Variants in KIAA1328 observed in about 807,000 individuals in gnomAD.
KIAA1328 encodes the protein protein hinderin.
Under a neutral mutation model 68.1 loss-of-function variants are expected in KIAA1328, and 52 were observed. The ratio of observed to expected loss-of-function variants is 0.76; its 90% CI spans 0.61 to 0.96. The LOEUF (loss-of-function observed/expected upper bound fraction) is 0.96, where lower values mean the gene tolerates loss of function less well. Among genes scored for constraint, KIAA1328 ranks in the 40% least tolerant of loss-of-function variants. The pLI, the probability that KIAA1328 is intolerant of heterozygous loss-of-function variation, is 0.00. For missense variants in KIAA1328, 641 were observed against 677.6 expected (o/e 0.95, Z 0.60); for synonymous variants, 232 against 239.4 (o/e 0.97, Z 0.28).
chr18:37,118,940 T>C (rs1237082880), intron 7 of KIAA1328, among the ~76,000 whole-genome samples: 1 of 152,196 alleles, frequency 6.6e-6, no homozygotes, highest in Non-Finnish European at 1.5e-5. Flanking sequence ...TAGTTGGCAC[T>C]GTTGGGTCTT....
At chr18:36,942,405 G>A (rs1488501529) in intron 5 of KIAA1328, among the ~76,000 whole-genome samples, 1 of 152,202 alleles carries the variant, frequency 6.6e-6, no homozygotes, top group East Asian at 1.9e-4. Flanking sequence ...CGCTTTGTTA[G>A]AGACATAGAA....
chr18:37,086,202 G>A (rs2057099732), intron 7 of KIAA1328, among the ~76,000 whole-genome samples: 1 of 152,118 alleles, frequency 6.6e-6, no homozygotes, highest in Admixed American at 6.5e-5. Flanking sequence ...TCATATAGTT[G>A]AATATTACTA....
chr18:36,858,204 A>G (rs892911024), intron 4 of KIAA1328, among the ~76,000 whole-genome samples: 1 of 152,082 alleles, frequency 6.6e-6, no homozygotes, highest in Non-Finnish European at 1.5e-5. Flanking sequence ...ATACACTTTT[A>G]CAGTTATTAT....
intron 7 of KIAA1328, among the ~76,000 whole-genome samples, chr18:37,158,218 C>A (rs1021107574): frequency 8.6e-5 from 13 of 151,768 alleles, no homozygotes; most frequent in African/African-American, 3.1e-4. Flanking sequence ...AATTTTTTTT[C>A]TTTAGTGATG....
chr18:37,191,910 C>T (rs1311079869), intron 9 of KIAA1328, among the ~76,000 whole-genome samples: 1 of 152,202 alleles, frequency 6.6e-6, no homozygotes, highest in East Asian at 1.9e-4. Context: ...CACCCTCTGT[C>T]AGCTTCCTTG....
chr18:36,974,376 C>G lies in KIAA1328; in HGVS notation c.576+14941C>G, dbSNP rs2052376765. 1.3e-5 allele frequency among the ~76,000 whole-genome samples: 2 copies of G among 152,206 alleles called. 1 individual carries two copies. Among genetic ancestry groups the G allele is most frequent in the South Asian group, 4.1e-4 (2 of 4,824 alleles). ...GTCTATTATTCCACATTATCTAGCT[C>G]TCATTTCTAAGTGAGAACATGTGGT... On this transcript the variant is annotated intron_variant, in intron 6 of 9. Coordinates refer to ENST00000280020, the MANE Select transcript of KIAA1328 (RefSeq NM_020776.3).
chr18:36,843,847 G>A (rs569014881), intron 3 of KIAA1328, among the ~76,000 whole-genome samples: 28 of 152,202 alleles, frequency 1.8e-4, no homozygotes, highest in African/African-American at 6.3e-4. Context: ...GCTAATCTTC[G>A]TATACCCTTA....
At chr18:37,168,482 G>A (rs944963199) in intron 8 of KIAA1328, among the ~76,000 whole-genome samples, 5 of 152,112 alleles carry the variant, frequency 3.3e-5, no homozygotes, top group Non-Finnish European at 7.3e-5. Context: ...AATAGCAGAA[G>A]GGATAAAAAG....
intron 7 of KIAA1328, among the ~76,000 whole-genome samples, chr18:37,142,263 C>T (rs1194186712): frequency 6.6e-6 from 1 of 152,090 alleles, no homozygotes; most frequent in Non-Finnish European, 1.5e-5. Flanking sequence ...GTGATCTTGG[C>T]TTACTGCATC....
intron 6 of KIAA1328, among the ~76,000 whole-genome samples, chr18:37,038,056 G>A (rs571696221): frequency 7.2e-5 from 11 of 152,008 alleles, no homozygotes; most frequent in Admixed American, 2.6e-4. Context: ...AGGTGAGATC[G>A]TGCCACTGCA....
At chr18:36,937,226 C>G (rs2050534444) in intron 5 of KIAA1328, among the ~76,000 whole-genome samples, 1 of 152,178 alleles carries the variant, frequency 6.6e-6, no homozygotes, top group Non-Finnish European at 1.5e-5. Flanking sequence ...GGATTAAAGA[C>G]TTAAATGTAA....
chr18:36,937,341 A>G (rs747227249), intron 5 of KIAA1328, among the ~76,000 whole-genome samples: 1 of 152,226 alleles, frequency 6.6e-6, no homozygotes. Context: ...AATTGCAACA[A>G]AAGCCAAAAT....
chr18:36,992,217 T>C (rs1327432301), intron 6 of KIAA1328, among the ~76,000 whole-genome samples: 2 of 152,212 alleles, frequency 1.3e-5, no homozygotes, highest in African/African-American at 4.8e-5. Context: ...GTTTCTTTGC[T>C]GTCTTTATGC....
chr18:37,040,299 G>T (rs981344507), intron 6 of KIAA1328, among the ~76,000 whole-genome samples: 1 of 152,018 alleles, frequency 6.6e-6, no homozygotes, highest in African/African-American at 2.4e-5. Context: ...TATATTTTTT[G>T]AGTTAAATTC....
rs1467497403 is a variant in KIAA1328, at chr18:37,223,872, A to G, written c.*1645A>G. On this transcript the variant is annotated 3_prime_UTR_variant, in exon 10 of 10. Coordinates refer to ENST00000280020, the MANE Select transcript of KIAA1328 (RefSeq NM_020776.3). ...GAAAAGAATGGAGCCCACTAATATT[A>G]TATTTTTCTTCTGAAATAAATATAA... is the stretch of plus-strand genomic sequence containing the variant. The G allele has an allele frequency of 3.1e-6, 3 of 982,850 alleles. No individual in the cohort carries two copies. The allele number at this position is 982,850 out of a possible 1,614,324, so 60.9% of individuals were successfully genotyped here. A position where few individuals can be genotyped will look rare whatever the true frequency, so the allele number is the denominator to read the frequency against.
intron 5 of KIAA1328, among the ~76,000 whole-genome samples, chr18:36,910,655 T>C (rs2049407863): frequency 6.6e-6 from 1 of 152,154 alleles, no homozygotes; most frequent in African/African-American, 2.4e-5. Context: ...TCTAATTCTG[T>C]GAAGAAAGTA....
At chr18:36,975,010 C>T (rs1296601489) in intron 6 of KIAA1328, among the ~76,000 whole-genome samples, 3 of 152,038 alleles carry the variant, frequency 2.0e-5, no homozygotes, top group East Asian at 1.9e-4. Context: ...ATTAGTAGTA[C>T]TGGATTTTGC....
At chr18:36,966,105 G>A (rs768322127) in intron 6 of KIAA1328, among the ~76,000 whole-genome samples, 1 of 152,020 alleles carries the variant, frequency 6.6e-6, no homozygotes, top group African/African-American at 2.4e-5. Context: ...AACAATGCAG[G>A]ACAAGGCAGT....
chr18:36,961,611 G>A (rs1170830929), intron 6 of KIAA1328, among the ~76,000 whole-genome samples: 1 of 152,172 alleles, frequency 6.6e-6, no homozygotes, highest in Non-Finnish European at 1.5e-5. Flanking sequence ...GACTAACAGT[G>A]GATCCCTCAG....
Sources: gnomAD v4.1 joint callset for allele counts (sites outside exome capture counted in the v4.1 genomes callset) on GRCh38, gnomAD v4.1.1 for gene constraint, MANE v1.5 for transcripts, NCBI Gene and HGNC (gene_info 2026-07-23, HGNC 2026-07-21) for gene names.